Variants in EXOC6 observed in about 807,000 individuals in gnomAD.
EXOC6 encodes exocyst complex component 6, also known as SEC15-like 1.
Under a neutral mutation model 112.5 loss-of-function variants are expected in EXOC6, and 60 were observed. The ratio of observed to expected loss-of-function variants is 0.53; its 90% CI spans 0.43 to 0.66. The LOEUF (loss-of-function observed/expected upper bound fraction) is 0.66. Ranked by LOEUF, EXOC6 falls within the 30% of genes least tolerant of loss-of-function variation. The pLI is 0.00. For synonymous variants in EXOC6, 295 were observed against 308.0 expected (o/e 0.96, Z 0.44); for missense variants, 855 against 957.1 (o/e 0.89, Z 1.41).
At chr10:93,057,080 T>G in intron 21 of EXOC6, 44 bp downstream of exon 21, 1 of 1,018,184 alleles carries the variant, frequency 9.8e-7, no homozygotes, top group Non-Finnish European at 1.4e-6. Flanking sequence ...TTTAGCACCT[T>G]TTGATTCAGT....
upstream of EXOC6, chr10:92,848,517 C>T (rs1008585981): frequency 4.4e-6 from 6 of 1,367,932 alleles, no homozygotes; most frequent in African/African-American, 7.7e-5. Flanking sequence ...TCGCTGGCTC[C>T]TCAGCTTCCA....
At chr10:92,896,648 C>T (rs1849845793) in intron 4 of EXOC6, among the ~76,000 whole-genome samples, 1 of 151,864 alleles carries the variant, frequency 6.6e-6, no homozygotes, top group Admixed American at 6.6e-5. Flanking sequence ...AGTGCAGTGG[C>T]TGAATCTTGG....
At chr10:93,009,821 G>A (rs1844158849) in intron 19 of EXOC6, among the ~76,000 whole-genome samples, 1 of 152,188 alleles carries the variant, frequency 6.6e-6, no homozygotes, top group African/African-American at 2.4e-5. Context: ...CTGGCAGATA[G>A]ACAAAGGCTA....
At chr10:92,850,626 G>A (rs1394370875) in intron 1 of EXOC6, among the ~76,000 whole-genome samples, 3 of 152,012 alleles carry the variant, frequency 2.0e-5, no homozygotes, top group South Asian at 2.1e-4. Context: ...GAACCACCAT[G>A]AACTGTCATC....
At chr10:93,032,895 A>T (rs1845334454) in intron 20 of EXOC6, among the ~76,000 whole-genome samples, 2 of 152,340 alleles carry the variant, frequency 1.3e-5, no homozygotes, top group African/African-American at 4.8e-5. Flanking sequence ...ATTTGAGCAC[A>T]TAACTGAGTG....
chr10:93,052,078 G>A (rs1465699375), intron 20 of EXOC6, among the ~76,000 whole-genome samples: 1 of 152,078 alleles, frequency 6.6e-6, no homozygotes, highest in Admixed American at 6.6e-5. Flanking sequence ...TCTGTCCTGG[G>A]TCACTGCCCC....
intron 19 of EXOC6, among the ~76,000 whole-genome samples, chr10:93,011,681 T>C (rs531537384): frequency 6.4e-4 from 97 of 152,272 alleles, no homozygotes; most frequent in Non-Finnish European, 2.2e-4. Flanking sequence ...GGTATAATTT[T>C]GCTTATCGTT....
At chr10:92,999,824 T>C (rs1185779297) in intron 19 of EXOC6, among the ~76,000 whole-genome samples, 10 of 151,914 alleles carry the variant, frequency 6.6e-5, no homozygotes, top group Non-Finnish European at 1.3e-4. Flanking sequence ...CGCCTCAGCC[T>C]CCTGAGTAGC....
chr10:92,888,445 A>G (rs886404860), intron 1 of EXOC6, among the ~76,000 whole-genome samples: 4 of 152,094 alleles, frequency 2.6e-5, no homozygotes, highest in African/African-American at 9.7e-5. Context: ...GGAAAGAACT[A>G]TTGTTCTCTT....
intron 19 of EXOC6, among the ~76,000 whole-genome samples, chr10:93,010,764 C>T (rs770013952): frequency 2.8e-4 from 42 of 150,658 alleles, no homozygotes; most frequent in Non-Finnish European, 5.2e-4. Flanking sequence ...GACTGTTGGA[C>T]GTGTTTCAAA....
At position 92,917,835 on chromosome 10, in the gene EXOC6, C is replaced by T. The variant is rs115607612; in HGVS notation, c.819+1922C>T. On this transcript the variant is annotated intron_variant, in intron 7 of 21. Coordinates refer to ENST00000260762, the MANE Select transcript of EXOC6 (RefSeq NM_019053.6). ...GATTACAGGTGTGAGCCACCATGCC[C>T]GGCATCCTATTGCTTTCGAAAGTTT... 9.9e-3 allele frequency among the ~76,000 whole-genome samples: 1,512 copies of T among 152,290 alleles called. 12 individuals carry two copies. The highest frequency in any genetic ancestry group is 0.041 in the Middle Eastern group (12 of 294).
chr10:92,998,794 A>T (rs1190133896), intron 19 of EXOC6, among the ~76,000 whole-genome samples: 3 of 152,154 alleles, frequency 2.0e-5, no homozygotes, highest in African/African-American at 7.2e-5. Context: ...AGCATTTTTA[A>T]TTTTCTCTAA....
In EXOC6 at chr10:93,030,357, C is replaced by T. The variant is rs143606359; in HGVS notation, c.2169+16090C>T. ...CTAGGATTATAGGCGTGAGCCACTG[C>T]GCCCAGCCAAAAAAATGGTAAATTT... On this transcript the variant is annotated intron_variant, in intron 20 of 21. Transcript: ENST00000260762. Among the ~76,000 whole-genome samples the T allele has an allele frequency of 4.4e-3, 664 of 152,158 alleles. 12 individuals are homozygous for T. The highest frequency in any genetic ancestry group is 0.03 in the Admixed American group (461 of 15,288).
rs1357173141 is a variant in EXOC6 at position 93,014,237 on chromosome 10, C to G, written c.2139C>G (p.Thr713=). 7 of 1,613,076 alleles carry G rather than the reference C, an allele frequency of 4.3e-6. No homozygotes were observed. The highest frequency in any genetic ancestry group is 5.9e-6 in the Non-Finnish European group (7 of 1,179,582). The change falls in exon 20 of 22, where the codon ACC becomes ACG. Residue 713 remains threonine, a synonymous_variant. Transcript: ENST00000260762. ...CTGTGCCAGGATTCCAGGGGGATAC[C>G]CTGCAGCTAGCATTCATTGACCTCA... The part of the protein sequence containing the change: ...SEPVPGFQGD[T]LQLAFIDLRQ...
upstream of EXOC6, among the ~76,000 whole-genome samples, chr10:92,847,329 G>C (rs1847086032): frequency 6.6e-6 from 1 of 152,220 alleles, no homozygotes; most frequent in Non-Finnish European, 1.5e-5. Context: ...TCACACAGCT[G>C]TCAAGTGATA....
At chr10:92,920,426 A>G (rs539411419) in intron 8 of EXOC6, among the ~76,000 whole-genome samples, 1 of 152,294 alleles carries the variant, frequency 6.6e-6, no homozygotes, top group South Asian at 2.1e-4. Context: ...CACATACGAA[A>G]AAACTTACCC....
chr10:92,977,038 T>A lies in EXOC6; in HGVS notation c.1953+2806T>A, dbSNP rs1441400108. Among the ~76,000 whole-genome samples the A allele has an allele frequency of 3.3e-5, 5 of 152,320 alleles. No homozygotes were observed. The East Asian group carries it at 9.7e-4, about 29-fold the overall frequency. ...AATAGGAAGAAATTTTATCAACCTT[T>A]TTATCTTATGATACGATATAGCTGA... On this transcript the variant is annotated intron_variant, in intron 18 of 21. Transcript: ENST00000260762.
chr10:92,958,308 A>G (rs555102375), intron 17 of EXOC6, among the ~76,000 whole-genome samples: 2 of 152,294 alleles, frequency 1.3e-5, no homozygotes, highest in South Asian at 2.1e-4. Flanking sequence ...TCCCTTTCTA[A>G]CTTGTGTGGT....
intron 6 of EXOC6, among the ~76,000 whole-genome samples, chr10:92,912,047 C>A (rs1042367021): frequency 8.0e-5 from 12 of 150,476 alleles, no homozygotes; most frequent in African/African-American, 2.9e-4. Flanking sequence ...CAGTTTAGTT[C>A]TGGAATCTTC....
Sources: allele counts gnomAD v4.1 joint callset (sites outside exome capture counted in the v4.1 genomes callset), GRCh38; gene constraint gnomAD v4.1.1; transcripts MANE v1.5; gene names NCBI Gene and HGNC (gene_info 2026-07-23, HGNC 2026-07-21).